The following NDRG1 variants were observed in gnomAD, a reference collection of about 807,000 sequenced individuals.
NDRG1 encodes protein NDRG1.
In NDRG1, 32 loss-of-function variants were observed where a neutral mutation model predicts 56.9. That is an observed-to-expected ratio of 0.56 (90% CI 0.42 to 0.76). NDRG1 has a LOEUF of 0.76. NDRG1 is among the 30% of genes least tolerant of loss of function. NDRG1 has a pLI of 0.00. For synonymous variants in NDRG1, 211 were observed against 204.1 expected, an observed-to-expected ratio of 1.03 and a Z score of -0.29; for missense variants, 507 against 545.7, an observed-to-expected ratio of 0.93 and a Z score of 0.71.
intron 7 of NDRG1, among the ~76,000 whole-genome samples, chr8:133,257,314 CACAG>C (rs970671767): frequency 1.7e-5 from 2 of 116,206 alleles, no homozygotes; most frequent in East Asian, 2.2e-4. Context: ...CACACACACA[CACAG>C]AGAGAGAGAC....
At position 133,238,282 on chromosome 8, in the gene NDRG1, G is replaced by C. The variant is rs754530244; in HGVS notation, c.*596C>G. On this transcript the variant is annotated 3_prime_UTR_variant, in exon 16 of 16. Transcript: ENST00000323851. ...TCTAGATGCACCAACTTTAAAAATC[G>C]GTTTCTTCAAGTTAACTACGTAGAT... 4 of 232,128 alleles carry C rather than the reference G, an allele frequency of 1.7e-5. No homozygotes were observed. The highest frequency in any genetic ancestry group is 6.1e-5 in the East Asian group (1 of 16,444). The allele number at this position is 232,128 out of a possible 1,614,324, so 14.4% of individuals were successfully genotyped here. A position where few individuals can be genotyped will look rare whatever the true frequency, so the allele number is the denominator to read the frequency against.
At chr8:133,265,715 C>G (rs909712495) in intron 3 of NDRG1, among the ~76,000 whole-genome samples, 9 of 152,140 alleles carry the variant, frequency 5.9e-5, no homozygotes, top group African/African-American at 1.9e-4. Flanking sequence ...AAAAAGGCAC[C>G]CTGCCTTGGT....
chr8:133,262,866 C>G (rs1329052768), intron 4 of NDRG1, among the ~76,000 whole-genome samples: 1 of 152,158 alleles, frequency 6.6e-6, no homozygotes, highest in Non-Finnish European at 1.5e-5. Context: ...ATCTACCTGC[C>G]AGAAGCACAG....
At chr8:133,241,367 T>C (rs929885861) in intron 15 of NDRG1, 4 of 157,738 alleles carry the variant, frequency 2.5e-5, no homozygotes, top group Admixed American at 5.9e-5. Context: ...AACTGCAAAA[T>C]AAGAACGAGT....
intron 7 of NDRG1, 71 bp downstream of exon 7, chr8:133,258,295 T>C: frequency 1.3e-6 from 2 of 1,503,572 alleles, no homozygotes; most frequent in Non-Finnish European, 1.8e-6. Context: ...TTTTTGATGC[T>C]TTTCCAATGT....
Position 133,238,568 on chromosome 8 carries a change from A to C in NDRG1, c.*310T>G. 2.1e-6 allele frequency: 1 copy of C among 467,056 alleles called. No individual in the cohort carries two copies. The highest frequency in any genetic ancestry group is 3.8e-6 in the Non-Finnish European group (1 of 261,102). The allele number at this position is 467,056 out of a possible 1,614,324, so 28.9% of individuals were successfully genotyped here. Reference sequence around the variant, plus strand: ...TTGGCTTTGTGAAGTGTGTGCTGCTACGCGTCTTGTTTTTGGCAGTTTGGT... The same window carrying C: ...TTGGCTTTGTGAAGTGTGTGCTGCTCCGCGTCTTGTTTTTGGCAGTTTGGT... On this transcript the variant is annotated 3_prime_UTR_variant, in exon 16 of 16. Coordinates refer to ENST00000323851, the MANE Select transcript of NDRG1 (RefSeq NM_006096.4).
rs1588215693 is a variant in NDRG1, at chr8:133,238,636, A to T, written c.*242T>A. On this transcript the variant is annotated 3_prime_UTR_variant, in exon 16 of 16. Transcript: ENST00000323851. ...GGAGAGTGGCAACCGGCCACTGGTTAATGGAAGAGGATGCGATGCGGAGAT... is the reference window on the plus strand; with the variant it reads ...GGAGAGTGGCAACCGGCCACTGGTTTATGGAAGAGGATGCGATGCGGAGAT... 2 of 577,542 alleles carry T rather than the reference A, an allele frequency of 3.5e-6. No individual in the cohort carries two copies. Among genetic ancestry groups the T allele is most frequent in the East Asian group, 5.7e-5 (2 of 34,788 alleles). The allele number at this position is 577,542 out of a possible 1,614,324, so 35.8% of individuals were successfully genotyped here. A position where few individuals can be genotyped will look rare whatever the true frequency, so the allele number is the denominator to read the frequency against.
chr8:133,238,869 G>T lies in NDRG1; in HGVS notation c.*9C>A. The stretch of plus-strand genomic sequence containing the variant: ...ATCAGAGTCCGGGGGCGGCAGCTGG[G>T]CAGGCCGCCTAGCAGGAGACCTCCA... On this transcript the variant is annotated 3_prime_UTR_variant, in exon 16 of 16. Coordinates refer to ENST00000323851, the MANE Select transcript of NDRG1 (RefSeq NM_006096.4). The T allele has an allele frequency of 6.5e-7, 1 of 1,549,762 alleles. No homozygotes were observed. Among genetic ancestry groups the T allele is most frequent in the Non-Finnish European group, 8.7e-7 (1 of 1,148,854 alleles).
chr8:133,237,690 T>TGCCACCCC lies in NDRG1; in HGVS notation c.*1187_*1188insGGGGTGGC. ...CTCAGCCACCGCTCCCCACGTGAGT[T>TGCCACCCC]CCCACCCCCACCCCGACAAGAGCAA... On this transcript the variant is annotated 3_prime_UTR_variant, in exon 16 of 16. Transcript: ENST00000323851. 4.4e-6 allele frequency: 1 copy of TGCCACCCC among 228,720 alleles called. No homozygotes were observed. Among genetic ancestry groups the TGCCACCCC allele is most frequent in the Admixed American group, 5.7e-5 (1 of 17,566 alleles). 14.2% of individuals were successfully genotyped at this position (228,720 alleles called of 1,614,324 possible).
chr8:133,259,003 CTG>C, intron 6 of NDRG1, 163 bp downstream of exon 6: 3 of 755,160 alleles, frequency 4.0e-6, no homozygotes, highest in Admixed American at 1.9e-5. Context: ...AGCTCAGAGA[CTG>C]TGTGAAGAAC....
At chr8:133,247,786 G>C (rs1855768994) in intron 12 of NDRG1, 89 bp downstream of exon 12, 2 of 1,366,190 alleles carry the variant, frequency 1.5e-6, no homozygotes, top group Non-Finnish European at 2.1e-6. Context: ...GGGCAGAGGA[G>C]AGGAGGGGCA....
chr8:133,244,527 T>G (rs940625553), intron 13 of NDRG1, 137 bp from the exon 14 acceptor site: 13 of 1,014,534 alleles, frequency 1.3e-5, no homozygotes, highest in African/African-American at 3.2e-5. Context: ...AGGAACAGGG[T>G]GGACCGTGGG....
chr8:133,277,862 C>T (rs950210393), intron 3 of NDRG1, among the ~76,000 whole-genome samples: 3 of 152,156 alleles, frequency 2.0e-5, no homozygotes, highest in Non-Finnish European at 1.5e-5. Context: ...AGCACTGTCT[C>T]CATTTCACAG....
chr8:133,262,354 T>A, intron 4 of NDRG1, 187 bp from the exon 5 acceptor site: 1 of 670,386 alleles, frequency 1.5e-6, no homozygotes, highest in Admixed American at 2.6e-5. Flanking sequence ...CCTCTGCTGA[T>A]AAAAAGCAAG....
intron 1 of NDRG1, among the ~76,000 whole-genome samples, chr8:133,292,866 C>A (rs1858501863): frequency 6.6e-6 from 1 of 152,220 alleles, no homozygotes; most frequent in African/African-American, 2.4e-5. Context: ...TGTTAAGGAG[C>A]CTCACTTTCT....
chr8:133,287,684 A>G (rs2977510), intron 1 of NDRG1, among the ~76,000 whole-genome samples: 79,879 of 152,078 alleles, frequency 0.53, 22,520 homozygotes, highest in African/African-American at 0.75. Context: ...TTTGGGCCCC[A>G]CAAGCAGCCT....
At chr8:133,244,854 C>A (rs891491337) in intron 13 of NDRG1, among the ~76,000 whole-genome samples, 1 of 152,224 alleles carries the variant, frequency 6.6e-6, no homozygotes, top group African/African-American at 2.4e-5. Flanking sequence ...CCGGATTCAG[C>A]TGACCAGTAC....
chr8:133,260,680 T>C (rs972670194), intron 5 of NDRG1, among the ~76,000 whole-genome samples: 3 of 152,232 alleles, frequency 2.0e-5, no homozygotes, highest in Non-Finnish European at 1.5e-5. Flanking sequence ...AATACACTTT[T>C]AATTTTTGGT....
intron 15 of NDRG1, chr8:133,240,072 A>T (rs1478525350): frequency 2.6e-5 from 4 of 152,324 alleles, no homozygotes; most frequent in Admixed American, 6.5e-5. Context: ...ACCAGAAGCC[A>T]GGAAGAGGCA....
Sources: gnomAD v4.1 joint callset for allele counts (sites outside exome capture counted in the v4.1 genomes callset) on GRCh38, gnomAD v4.1.1 for gene constraint, MANE v1.5 for transcripts, NCBI Gene and HGNC (gene_info 2026-07-23, HGNC 2026-07-21) for gene names.